The following PUDP variants were observed in gnomAD, a reference collection of about 807,000 sequenced individuals.
PUDP encodes pseudouridine 5'-phosphatase.
Under a neutral mutation model 9.4 loss-of-function variants are expected in PUDP, and 8 were observed. The ratio of observed to expected loss-of-function variants is 0.85; its 90% confidence interval spans 0.50 to 1.53. The LOEUF is 1.53. Among genes scored for constraint, PUDP ranks in the 40% most tolerant of loss-of-function variants. The probability of loss-of-function intolerance (pLI) is 0.00; values close to 1 mark genes in which losing one functional copy is unlikely to be tolerated. For synonymous variants in PUDP, 99 were observed against 80.7 expected, an observed-to-expected ratio of 1.23 and a Z score of -1.22; for missense variants, 188 against 189.7, an observed-to-expected ratio of 0.99 and a Z score of 0.05.
chrX:6,945,273 A>G (rs753161978), intron 3 of PUDP, among the ~76,000 whole-genome samples: 2 of 111,581 alleles, frequency 1.8e-5, no homozygotes, highest in Non-Finnish European at 3.8e-5. Context: ...AAGCTCCTAG[A>G]CCCAACTTGG....
In PUDP at chrX:6,865,523, A is replaced by G. The variant is rs188823093; in HGVS notation, c.*247+111610T>C. 2.4e-3 allele frequency among the ~76,000 whole-genome samples: 275 copies of G among 112,396 alleles called. 5 individuals carry two copies. The highest frequency in any genetic ancestry group is 0.023 in the Admixed American group (244 of 10,577). On this transcript the variant is annotated intron_variant and NMD_transcript_variant, in intron 3 of 3. Coordinates refer to the PUDP transcript ENST00000655425. ...TTTTGGGAACTGAACCACAAACTCA[A>G]CAGTAGATGTTCTTACCATTAGCAA... is the stretch of plus-strand genomic sequence containing the variant.
chrX:6,903,198 C>A (rs1022124174), intron 3 of PUDP, among the ~76,000 whole-genome samples: 1 of 112,289 alleles, frequency 8.9e-6, no homozygotes, highest in Non-Finnish European at 1.9e-5. Context: ...TAAATAATCC[C>A]ATTTCAGCTT....
chrX:6,914,833 T>G (rs1927904803), intron 3 of PUDP, among the ~76,000 whole-genome samples: 1 of 112,569 alleles, frequency 8.9e-6, no homozygotes, highest in Non-Finnish European at 1.9e-5. Context: ...TACTTTGTGC[T>G]CTCACGTCGA....
chrX:7,049,191 C>G lies in PUDP; in HGVS notation c.*1105G>C. On this transcript the variant is annotated 3_prime_UTR_variant, in exon 4 of 4. Transcript: ENST00000381077. ...GCTCAAGGACATCAAAGGGCAGAGGCCCCTAGGAAGGGCTGAGCCACAATG... is the reference window on the plus strand; with the variant it reads ...GCTCAAGGACATCAAAGGGCAGAGGGCCCTAGGAAGGGCTGAGCCACAATG... 8.9e-6 allele frequency: 1 copy of G among 112,048 alleles called. No individual in the cohort carries two copies. The highest frequency in any genetic ancestry group is 1.9e-5 in the Non-Finnish European group (1 of 53,206). The allele number at this position is 112,048 out of a possible 1,213,427, so 9.2% of individuals were successfully genotyped here. A position where few individuals can be genotyped will look rare whatever the true frequency, so the allele number is the denominator to read the frequency against.
At chrX:7,038,005 A>G (rs1929875577) in intron 1 of PUDP, among the ~76,000 whole-genome samples, 1 of 112,391 alleles carries the variant, frequency 8.9e-6, no homozygotes, top group Non-Finnish European at 1.9e-5. Flanking sequence ...CTGTAATTCT[A>G]TGAGAATGAT....
At position 6,760,859 on chromosome X, in the gene PUDP, G is replaced by C. The variant is rs1925221367; in HGVS notation, c.*248-54393C>G. ...ATGATTTAGGATCATTAGCAGATCA[G>C]ACTTACATACATTTTAATGGAATAA... On this transcript the variant is annotated intron_variant and NMD_transcript_variant, in intron 3 of 3. Transcript: ENST00000655425. Among the ~76,000 whole-genome samples the C allele has an allele frequency of 2.7e-5, 3 of 112,135 alleles. No individual in the cohort carries two copies. The South Asian group carries it at 1.1e-3, about 42-fold the overall frequency.
At chrX:7,083,614 G>A (rs913631877) in intron 2 of PUDP, among the ~76,000 whole-genome samples, 7 of 110,981 alleles carry the variant, frequency 6.3e-5, no homozygotes, top group Admixed American at 9.6e-5. Context: ...AAATATGTCC[G>A]GTTTGGCTGG....
At chrX:6,927,819 G>A (rs1212275110) in intron 3 of PUDP, among the ~76,000 whole-genome samples, 1 of 111,345 alleles carries the variant, frequency 9.0e-6, no homozygotes, top group Non-Finnish European at 1.9e-5. Flanking sequence ...GTGGTGGGCT[G>A]GGGGAGAAGA....
chrX:6,715,181 C>T (rs1191248174), intron 1 of PUDP, among the ~76,000 whole-genome samples: 2 of 110,941 alleles, frequency 1.8e-5, no homozygotes, highest in African/African-American at 6.6e-5. Context: ...AACTGACATC[C>T]TTGACCCATA....
intron 1 of PUDP, among the ~76,000 whole-genome samples, chrX:7,125,331 T>A (rs1474473496): frequency 1.8e-5 from 2 of 112,201 alleles, no homozygotes; most frequent in East Asian, 5.6e-4. Flanking sequence ...AAATTCTTTT[T>A]GAATTTTAAG....
chrX:6,719,987 G>A (rs73188675), intron 1 of PUDP, among the ~76,000 whole-genome samples: 12,490 of 108,519 alleles, frequency 0.12, 727 homozygotes, highest in Non-Finnish European at 0.17. Flanking sequence ...CAAGATCAGC[G>A]TCTCAAAGAG....
chrX:6,773,192 G>A (rs1217117547), intron 3 of PUDP, among the ~76,000 whole-genome samples: 2 of 112,030 alleles, frequency 1.8e-5, no homozygotes, highest in Non-Finnish European at 3.8e-5. Context: ...GGCTTTTCAA[G>A]TTACTCTAAC....
At position 6,904,747 on chromosome X, in the gene PUDP, A is replaced by G. The variant is rs1306169025; in HGVS notation, c.*247+72386T>C. Among the ~76,000 whole-genome samples, 8 of 112,217 alleles carry G rather than the reference A, an allele frequency of 7.1e-5. 1 individual carries two copies. Among genetic ancestry groups the G allele is most frequent in the Non-Finnish European group, 1.3e-4 (7 of 53,267 alleles). On this transcript the variant is annotated intron_variant and NMD_transcript_variant, in intron 3 of 3. Coordinates refer to the PUDP transcript ENST00000655425. Reference sequence around the variant, plus strand: ...TTTCTTCTCCCCTGCTCACTGTCCAACTGGGGCTCCCCATTGGCCAAACTC... The same window carrying G: ...TTTCTTCTCCCCTGCTCACTGTCCAGCTGGGGCTCCCCATTGGCCAAACTC...
intron 1 of PUDP, among the ~76,000 whole-genome samples, chrX:7,123,920 G>C (rs767172158): frequency 5.4e-5 from 6 of 112,021 alleles, no homozygotes; most frequent in Admixed American, 1.9e-4. Context: ...AAACTGAAAG[G>C]GGATATAGCT....
intron 3 of PUDP, among the ~76,000 whole-genome samples, chrX:6,912,330 A>G (rs1166114259): frequency 1.8e-5 from 2 of 112,097 alleles, no homozygotes; most frequent in Admixed American, 1.9e-4. Context: ...TCTTTCTTGC[A>G]TATAAGAAAA....
At chrX:7,057,305 C>T (rs1930270484) in intron 3 of PUDP, among the ~76,000 whole-genome samples, 1 of 111,070 alleles carries the variant, frequency 9.0e-6, no homozygotes, top group African/African-American at 3.3e-5. Context: ...GCTTAAACCC[C>T]AGACAGGGAT....
intron 3 of PUDP, among the ~76,000 whole-genome samples, chrX:6,942,389 C>A (rs1424424492): frequency 9.0e-6 from 1 of 111,342 alleles, no homozygotes; most frequent in Non-Finnish European, 1.9e-5. Flanking sequence ...ACCACAGGCC[C>A]TAGTTTCCTA....
At chrX:6,924,389 G>A (rs920229275) in intron 3 of PUDP, among the ~76,000 whole-genome samples, 1 of 111,975 alleles carries the variant, frequency 8.9e-6, no homozygotes, top group Non-Finnish European at 1.9e-5. Context: ...GGTTGAAAGA[G>A]GACTGTTTGC....
At chrX:7,051,523 T>C (rs761671103) in intron 3 of PUDP, among the ~76,000 whole-genome samples, 26 of 111,292 alleles carry the variant, frequency 2.3e-4, no homozygotes, top group South Asian at 7.6e-4. Context: ...CTACAGACTA[T>C]TAAAATAAAA....
Sources: gnomAD v4.1 joint callset for allele counts (sites outside exome capture counted in the v4.1 genomes callset) on GRCh38, gnomAD v4.1.1 for gene constraint, MANE v1.5 for transcripts, NCBI Gene and HGNC (gene_info 2026-07-23, HGNC 2026-07-21) for gene names.